The following CAB39 variants were observed in gnomAD, a reference collection of about 807,000 sequenced individuals.
CAB39 encodes the protein calcium binding protein 39.
Under a neutral mutation model 40.0 loss-of-function variants are expected in CAB39, and 8 were observed. That is an observed-to-expected ratio of 0.20 (90% CI 0.12 to 0.36). CAB39 has a LOEUF of 0.36. Among genes scored for constraint, CAB39 ranks in the 10% least tolerant of loss-of-function variants. CAB39 has a pLI of 1.00. For synonymous variants in CAB39, 156 were observed against 141.6 expected, an observed-to-expected ratio of 1.10 and a Z score of -0.72; for missense variants, 270 against 401.1, an observed-to-expected ratio of 0.67 and a Z score of 2.79.
intron 2 of CAB39, among the ~76,000 whole-genome samples, chr2:230,760,451 C>T (rs2124919459): frequency 6.6e-6 from 1 of 152,306 alleles, no homozygotes; most frequent in East Asian, 1.9e-4. Flanking sequence ...CGCCAAGCCT[C>T]AAGCGATCTT....
chr2:230,754,836 C>T (rs184142332), intron 1 of CAB39, among the ~76,000 whole-genome samples: 7 of 152,182 alleles, frequency 4.6e-5, no homozygotes, highest in African/African-American at 1.4e-4. Context: ...AGTCTTCTAT[C>T]GCTCGCCCGC....
intron 1 of CAB39, among the ~76,000 whole-genome samples, chr2:230,727,363 C>CGTGT (rs10542723): frequency 0.12 from 15,410 of 126,782 alleles, 1,089 homozygotes; most frequent in Non-Finnish European, 0.15. Flanking sequence ...GATTGTTAAC[C>CGTGT]GTGTGTGTGT....
At position 230,793,398 on chromosome 2, in the gene CAB39, A is replaced by T. The variant is rs559715170; in HGVS notation, c.398+67A>T. 168 of 726,028 alleles carry T rather than the reference A, an allele frequency of 2.3e-4. 1 individual carries two copies. In the South Asian group the frequency reaches 4.2e-3, roughly 18 times the overall value. 45.0% of individuals were successfully genotyped at this position (726,028 alleles called of 1,614,324 possible). Reference sequence around the variant, plus strand: ...AAAGGAAGGATTGCCTTGGGAAAAAAAACAGGATGCTGAATGTGGGAAGCA... The same window carrying T: ...AAAGGAAGGATTGCCTTGGGAAAAATAACAGGATGCTGAATGTGGGAAGCA... On this transcript the variant is annotated intron_variant, in intron 4 of 8. Transcript: ENST00000258418.
intron 2 of CAB39, among the ~76,000 whole-genome samples, chr2:230,785,256 C>G (rs2124949887): frequency 6.6e-6 from 1 of 152,222 alleles, no homozygotes; most frequent in South Asian, 2.1e-4. Flanking sequence ...AGGTCAGTGA[C>G]TAGCCAAAAG....
At chr2:230,760,472 C>A (rs1695269943) in intron 2 of CAB39, among the ~76,000 whole-genome samples, 1 of 152,150 alleles carries the variant, frequency 6.6e-6, no homozygotes, top group Non-Finnish European at 1.5e-5. Flanking sequence ...TCCGCCTCTG[C>A]CTCCCAAAGT....
At position 230,782,809 on chromosome 2, in the gene CAB39, C is replaced by CTTTTTTTTTTT. The variant is rs1408052300; in HGVS notation, c.115-8060_115-8059insTTTTTTTTTTT. ...CTGCTGTTTCTTTCTTTCTTTCTTT[C>CTTTTTTTTTTT]TTTCTTTTTTTTTTTTTTTTTTTGA... On this transcript the variant is annotated intron_variant, in intron 2 of 8. Transcript: ENST00000258418. 3.7e-3 allele frequency among the ~76,000 whole-genome samples: 419 copies of CTTTTTTTTTTT among 112,256 alleles called. 17 individuals carry two copies. Among genetic ancestry groups the CTTTTTTTTTTT allele is most frequent in the African/African-American group, 5.0e-3 (106 of 21,016 alleles). The allele number at this position is 112,256 out of a possible 152,430, so 73.6% of individuals were successfully genotyped here.
chr2:230,800,428 T>G (rs1696069184), intron 5 of CAB39, among the ~76,000 whole-genome samples: 1 of 152,212 alleles, frequency 6.6e-6, no homozygotes. Flanking sequence ...TATTTGTATG[T>G]AGGTGTACAA....
In CAB39 at chr2:230,817,915, T is replaced by C. The variant is rs761666739; in HGVS notation, c.837+18T>C. 8.1e-6 allele frequency: 13 copies of C among 1,599,806 alleles called. No individual in the cohort carries two copies. In the Admixed American group the frequency reaches 1.4e-4, roughly 18 times the overall value. On this transcript the variant is annotated intron_variant, in intron 8 of 8. Transcript: ENST00000258418. ...TTTTTAAGGTAGAGTACTAGAAGCA[T>C]CAGTGATACTGTCCACTGGAATTGT...
In CAB39 at chr2:230,730,714, G is replaced by A. The variant is rs537017839; in HGVS notation, c.-44+17484G>A. On this transcript the variant is annotated intron_variant, in intron 1 of 8. Coordinates refer to ENST00000258418, the MANE Select transcript of CAB39 (RefSeq NM_016289.4). ...CTGCCTCGGCCTCCCAAAGTGCTGG[G>A]ATTACAGGCATGAGCCACTGCGCCC... Among the ~76,000 whole-genome samples the A allele has an allele frequency of 2.0e-3, 312 of 152,286 alleles. 4 individuals carry two copies. The highest frequency in any genetic ancestry group is 1.8e-3 in the Non-Finnish European group (121 of 68,026).
chr2:230,719,190 G>A (rs967395395), intron 1 of CAB39, among the ~76,000 whole-genome samples: 2 of 152,130 alleles, frequency 1.3e-5, no homozygotes, highest in Non-Finnish European at 2.9e-5. Context: ...ACAAATTACC[G>A]TTTAGGTCCA....
intron 1 of CAB39, among the ~76,000 whole-genome samples, chr2:230,742,365 C>T (rs866035570): frequency 3.9e-5 from 6 of 151,946 alleles, no homozygotes; most frequent in African/African-American, 1.2e-4. Flanking sequence ...TTAGTAGAGA[C>T]GGGGTTTCAC....
chr2:230,720,179 G>A (rs1284127164), intron 1 of CAB39, among the ~76,000 whole-genome samples: 1 of 152,110 alleles, frequency 6.6e-6, no homozygotes, highest in Non-Finnish European at 1.5e-5. Flanking sequence ...TTAGGGGAAG[G>A]AAAAACATTA....
chr2:230,756,345 G>A lies in CAB39; in HGVS notation c.-43-3614G>A, dbSNP rs1368365992. Among the ~76,000 whole-genome samples, 3 of 152,194 alleles carry A rather than the reference G, an allele frequency of 2.0e-5. No homozygotes were observed. In the East Asian group the frequency reaches 5.8e-4, roughly 29 times the overall value. ...ACTGTGTTGAATACAGTAGGTATTT[G>A]TAACACAAAGCACTAAGTGATAGGA... On this transcript the variant is annotated intron_variant, in intron 1 of 8. Coordinates refer to ENST00000258418, the MANE Select transcript of CAB39 (RefSeq NM_016289.4).
chr2:230,802,721 C>A (rs749939688), intron 5 of CAB39, among the ~76,000 whole-genome samples: 1 of 152,112 alleles, frequency 6.6e-6, no homozygotes, highest in Non-Finnish European at 1.5e-5. Flanking sequence ...GAAGTTGAAT[C>A]GCTGAATAGA....
Position 230,803,763 on chromosome 2 carries a change from G to A in CAB39, c.567+4866G>A, listed in dbSNP as rs1000042018. On this transcript the variant is annotated intron_variant, in intron 5 of 8. Transcript: ENST00000258418. ...CAACGAAATAGAAGAGGACACAAAC[G>A]GAAGAACATTCCATGCTCATGGATA... Among the ~76,000 whole-genome samples, 6 of 151,814 alleles carry A rather than the reference G, an allele frequency of 4.0e-5. No homozygotes were observed. In the South Asian group the frequency reaches 1.0e-3, roughly 26 times the overall value.
intron 1 of CAB39, among the ~76,000 whole-genome samples, chr2:230,722,354 A>C (rs773346576): frequency 6.6e-5 from 10 of 152,210 alleles, no homozygotes; most frequent in Non-Finnish European, 1.2e-4. Flanking sequence ...ACGGGGTCTC[A>C]CTATATTGCC....
Position 230,819,555 on chromosome 2 carries a change from T to A in CAB39, c.*851T>A, listed in dbSNP as rs934916867. ...GAATGTTATTGTAGTAGTATGTAAC[T>A]ATTACCTAATACTGAGTTTTTGCAA... On this transcript the variant is annotated 3_prime_UTR_variant, in exon 9 of 9. Transcript: ENST00000258418. 2.0e-5 allele frequency: 3 copies of A among 152,686 alleles called. No homozygotes were observed. Among genetic ancestry groups the A allele is most frequent in the African/African-American group, 7.2e-5 (3 of 41,468 alleles). The allele number at this position is 152,686 out of a possible 1,614,324, so 9.5% of individuals were successfully genotyped here.
At chr2:230,734,867 C>T (rs1694758772) in intron 1 of CAB39, among the ~76,000 whole-genome samples, 1 of 152,062 alleles carries the variant, frequency 6.6e-6, no homozygotes, top group Non-Finnish European at 1.5e-5. Flanking sequence ...GAATATGTGC[C>T]CCACCCGGGT....
chr2:230,807,125 C>T (rs1038972941), intron 5 of CAB39, among the ~76,000 whole-genome samples: 1 of 152,154 alleles, frequency 6.6e-6, no homozygotes, highest in Non-Finnish European at 1.5e-5. Context: ...CCTAGCAACT[C>T]TGCTGGTCTG....
Sources: gnomAD v4.1 joint callset for allele counts (sites outside exome capture counted in the v4.1 genomes callset) on GRCh38, gnomAD v4.1.1 for gene constraint, MANE v1.5 for transcripts, NCBI Gene and HGNC (gene_info 2026-07-23, HGNC 2026-07-21) for gene names.